The following NALF1 variants were observed in gnomAD, a reference collection of about 807,000 sequenced individuals.
NALF1 encodes the protein family with sequence similarity 155 member A.
In NALF1, 3 loss-of-function variants were observed where a neutral mutation model predicts 48.4. That is an observed-to-expected ratio of 0.06 (90% CI 0.03 to 0.16). The LOEUF is 0.16. Among genes scored for constraint, NALF1 ranks in the 10% least tolerant of loss-of-function variants. The probability of loss-of-function intolerance (pLI) is 1.00; values close to 1 mark genes in which losing one functional copy is unlikely to be tolerated. For missense variants in NALF1, 526 were observed against 571.5 expected (o/e 0.92, Z 0.81); for synonymous variants, 262 against 245.7 (o/e 1.07, Z -0.62).
intron 1 of NALF1, among the ~76,000 whole-genome samples, chr13:107,812,399 A>G (rs1879022774): frequency 6.6e-6 from 1 of 152,148 alleles, no homozygotes; most frequent in East Asian, 1.9e-4. Context: ...AGTGAAAAAG[A>G]CCACTTGAAA....
At position 107,262,652 on chromosome 13, in the gene NALF1, G is replaced by A. The variant is rs192727424; in HGVS notation, c.916-51897C>T. On this transcript the variant is annotated intron_variant, in intron 1 of 2. Coordinates refer to ENST00000375915, the MANE Select transcript of NALF1 (RefSeq NM_001080396.3). ...GTAACTTATGATAAGAATAAGCACT[G>A]TTAATACAAATACATCAAATAGGCT... Among the ~76,000 whole-genome samples, 848 of 152,162 alleles carry A rather than the reference G, an allele frequency of 5.6e-3. 5 individuals are homozygous for A. Among genetic ancestry groups the A allele is most frequent in the African/African-American group, 0.02 (813 of 41,520 alleles).
intron 2 of NALF1, among the ~76,000 whole-genome samples, chr13:107,182,165 T>C (rs1259167947): frequency 6.6e-6 from 1 of 152,154 alleles, no homozygotes; most frequent in Admixed American, 6.5e-5. Context: ...AAAATGTTTC[T>C]TTACCATTCC....
chr13:107,514,826 T>G (rs1566372978), intron 1 of NALF1, among the ~76,000 whole-genome samples: 1 of 152,190 alleles, frequency 6.6e-6, no homozygotes, highest in South Asian at 2.1e-4. Context: ...GCCTGAATCA[T>G]TGCATAGATG....
At chr13:107,710,663 GA>G (rs1021489895) in intron 1 of NALF1, among the ~76,000 whole-genome samples, 1 of 151,774 alleles carries the variant, frequency 6.6e-6, no homozygotes, top group Non-Finnish European at 1.5e-5. Context: ...GAGCATGGGG[GA>G]AACCACCTGC....
At chr13:107,837,539 G>T (rs1594305342) in intron 1 of NALF1, among the ~76,000 whole-genome samples, 1 of 152,270 alleles carries the variant, frequency 6.6e-6, no homozygotes, top group South Asian at 2.1e-4. Flanking sequence ...GGTGAGTTCT[G>T]TAAGTACAGA....
chr13:107,279,261 T>A (rs574831913), intron 1 of NALF1, among the ~76,000 whole-genome samples: 4 of 152,106 alleles, frequency 2.6e-5, no homozygotes, highest in Admixed American at 1.3e-4. Flanking sequence ...TTTTTTTGTT[T>A]TGTTTTTCTT....
chr13:107,719,076 G>A (rs981216047), intron 1 of NALF1, among the ~76,000 whole-genome samples: 1 of 152,156 alleles, frequency 6.6e-6, no homozygotes, highest in African/African-American at 2.4e-5. Flanking sequence ...TAGAGTGCCT[G>A]GGTCCCTAGT....
At chr13:107,472,851 T>A (rs1052031195) in intron 1 of NALF1, among the ~76,000 whole-genome samples, 5 of 152,148 alleles carry the variant, frequency 3.3e-5, no homozygotes, top group African/African-American at 1.2e-4. Context: ...AGGTCAATAT[T>A]CCTTAATAAA....
chr13:107,174,967 T>G (rs1298996484), intron 2 of NALF1, among the ~76,000 whole-genome samples: 2 of 149,682 alleles, frequency 1.3e-5, no homozygotes, highest in Non-Finnish European at 3.0e-5. Context: ...CACTGCAAGC[T>G]CCGCCTCCCG....
chr13:107,769,198 T>C (rs201813290), intron 1 of NALF1, among the ~76,000 whole-genome samples: 1,969 of 143,290 alleles, frequency 0.014, 39 homozygotes, highest in African/African-American at 0.042. Flanking sequence ...GGGTATATAC[T>C]CAAAGGACTA....
chr13:107,583,021 T>C (rs1878357680), intron 1 of NALF1, among the ~76,000 whole-genome samples: 1 of 152,146 alleles, frequency 6.6e-6, no homozygotes, highest in African/African-American at 2.4e-5. Context: ...CATTTATGGC[T>C]TGAAATATCT....
chr13:107,761,342 G>C (rs1877257949), intron 1 of NALF1, among the ~76,000 whole-genome samples: 1 of 146,488 alleles, frequency 6.8e-6, no homozygotes, highest in African/African-American at 2.6e-5. Context: ...GAGCGACAGA[G>C]CAGGACTCCG....
chr13:107,307,226 A>G (rs1881953691), intron 1 of NALF1, among the ~76,000 whole-genome samples: 1 of 152,150 alleles, frequency 6.6e-6, no homozygotes, highest in Non-Finnish European at 1.5e-5. Context: ...CTTTACTGCC[A>G]TTAGACTCAC....
At chr13:107,726,864 A>G (rs908149457) in intron 1 of NALF1, among the ~76,000 whole-genome samples, 4 of 151,454 alleles carry the variant, frequency 2.6e-5, no homozygotes, top group African/African-American at 9.7e-5. Context: ...TTGGCCTCCC[A>G]AAGTGCTGGG....
chr13:107,551,553 C>T (rs150220490), intron 1 of NALF1, among the ~76,000 whole-genome samples: 2,047 of 152,086 alleles, frequency 0.013, 30 homozygotes, highest in South Asian at 0.03. Context: ...AATATTACAT[C>T]GAGTAAAGTT....
At chr13:107,498,453 A>C (rs1875409869) in intron 1 of NALF1, among the ~76,000 whole-genome samples, 1 of 152,178 alleles carries the variant, frequency 6.6e-6, no homozygotes, top group Admixed American at 6.5e-5. Flanking sequence ...TGGATTCCTA[A>C]AAGTCAATTG....
intron 2 of NALF1, among the ~76,000 whole-genome samples, chr13:107,206,340 C>T (rs192392108): frequency 6.6e-6 from 1 of 152,152 alleles, no homozygotes; most frequent in East Asian, 1.9e-4. Flanking sequence ...TGGTCATGAC[C>T]TTCTGTAACA....
chr13:107,851,440 A>C (rs1880311528), intron 1 of NALF1, among the ~76,000 whole-genome samples: 1 of 152,144 alleles, frequency 6.6e-6, no homozygotes, highest in African/African-American at 2.4e-5. Flanking sequence ...TCAAACCCAT[A>C]ATTAGCCATA....
intron 1 of NALF1, among the ~76,000 whole-genome samples, chr13:107,445,018 G>A (rs1884624316): frequency 6.6e-6 from 1 of 152,174 alleles, no homozygotes; most frequent in African/African-American, 2.4e-5. Context: ...CTCCTGCAAT[G>A]TGGTGATATA....
Sources: allele counts gnomAD v4.1 joint callset (sites outside exome capture counted in the v4.1 genomes callset), GRCh38; gene constraint gnomAD v4.1.1; transcripts MANE v1.5; gene names NCBI Gene and HGNC (gene_info 2026-07-23, HGNC 2026-07-21).